The following CPQ variants were observed in gnomAD, a reference collection of about 807,000 sequenced individuals.
CPQ encodes the protein Ser-Met dipeptidase.
A neutral mutation model predicts 45.7 loss-of-function variants in CPQ; 37 were observed. The ratio of observed to expected loss-of-function variants is 0.81; its 90% CI spans 0.62 to 1.07. CPQ has a LOEUF of 1.07. CPQ is among the 50% of genes least tolerant of loss of function. The pLI is 0.00. For missense variants in CPQ, 537 were observed against 572.9 expected, an observed-to-expected ratio of 0.94 and a Z score of 0.64; for synonymous variants, 186 against 205.8, an observed-to-expected ratio of 0.90 and a Z score of 0.82.
At position 96,784,967 on chromosome 8, in the gene CPQ, T is replaced by G. The variant is rs534614802; in HGVS notation, c.70T>G (p.Cys24Gly). 1.2e-6 allele frequency: 2 copies of G among 1,613,788 alleles called. No homozygotes were observed. The highest frequency in any genetic ancestry group is 2.7e-5 in the African/African-American group (2 of 75,026). The change falls in exon 2 of 8, where the codon TGC becomes GGC. Residue 24 changes from cysteine (C) to glycine (G), a missense_variant. Coordinates refer to ENST00000220763, the MANE Select transcript of CPQ (RefSeq NM_016134.4). Reference sequence around the variant, plus strand: ...ATCCCTGTGCTCTGGGAAAGCTATATGCAAGAATGGCATCTCTAAGAGGAC... The same window carrying G: ...ATCCCTGTGCTCTGGGAAAGCTATAGGCAAGAATGGCATCTCTAAGAGGAC... ...LLSLCSGKAI[C>G]KNGISKRTFE...
In CPQ at chr8:96,805,855, C is replaced by T. The variant is rs184210983; in HGVS notation, c.433+20525C>T. 2.0e-5 allele frequency among the ~76,000 whole-genome samples: 3 copies of T among 151,922 alleles called. No homozygotes were observed. The East Asian group carries it at 5.8e-4, about 29-fold the overall frequency. ...GGTTTATTTCTGTAGTGATGATAGC[C>T]TCTTACATTCCCTCCACCATAGAAC... On this transcript the variant is annotated intron_variant, in intron 2 of 7. Transcript: ENST00000220763.
intron 1 of CPQ, among the ~76,000 whole-genome samples, chr8:96,711,722 C>T (rs1809610378): frequency 6.6e-6 from 1 of 152,098 alleles, no homozygotes. Flanking sequence ...CCACTGGGTC[C>T]CTCCCATGAC....
intron 7 of CPQ, among the ~76,000 whole-genome samples, chr8:97,115,722 C>G (rs895902135): frequency 6.6e-6 from 1 of 152,184 alleles, no homozygotes; most frequent in Admixed American, 6.5e-5. Flanking sequence ...ATACTATCAC[C>G]ACCTGCTTCA....
At chr8:97,126,398 G>A (rs1485808177) in intron 7 of CPQ, among the ~76,000 whole-genome samples, 3 of 152,118 alleles carry the variant, frequency 2.0e-5, no homozygotes, top group African/African-American at 7.2e-5. Context: ...GGTCTTTTTT[G>A]TTATCAGGCA....
intron 7 of CPQ, among the ~76,000 whole-genome samples, chr8:97,087,399 C>T (rs1433930909): frequency 6.7e-6 from 1 of 148,190 alleles, no homozygotes; most frequent in Non-Finnish European, 1.5e-5. Context: ...CTCCCAGGTG[C>T]CGACTTGGGG....
intron 1 of CPQ, among the ~76,000 whole-genome samples, chr8:96,730,615 A>G (rs1809899064): frequency 6.6e-6 from 1 of 151,876 alleles, no homozygotes; most frequent in East Asian, 1.9e-4. Flanking sequence ...ATGATCTTAA[A>G]GGTATTTTGG....
intron 1 of CPQ, among the ~76,000 whole-genome samples, chr8:96,700,294 T>A (rs1165040787): frequency 6.6e-6 from 1 of 151,730 alleles, no homozygotes; most frequent in East Asian, 1.9e-4. Context: ...ACAGAGAAAA[T>A]CCCCCAGCTC....
chr8:96,741,432 G>T (rs183359690), intron 1 of CPQ, among the ~76,000 whole-genome samples: 28 of 152,248 alleles, frequency 1.8e-4, no homozygotes, highest in Non-Finnish European at 3.2e-4. Flanking sequence ...CTAGCTCCCG[G>T]ATTCGTTAAT....
chr8:96,820,524 TACTTTTTTAGCTCC>T (rs1328720885), intron 2 of CPQ, among the ~76,000 whole-genome samples: 1 of 152,026 alleles, frequency 6.6e-6, no homozygotes, highest in Non-Finnish European at 1.5e-5. Context: ...TTATGAGATC[TACTTTTTTAGCTCC>T]CACATGTGAG....
At chr8:96,955,600 A>G (rs1032967747) in intron 4 of CPQ, among the ~76,000 whole-genome samples, 2 of 152,194 alleles carry the variant, frequency 1.3e-5, no homozygotes, top group Non-Finnish European at 2.9e-5. Context: ...AGCTGGAGGC[A>G]TCACGCTACC....
At chr8:97,029,098 C>A (rs1338334918) in intron 5 of CPQ, among the ~76,000 whole-genome samples, 1 of 152,210 alleles carries the variant, frequency 6.6e-6, no homozygotes, top group African/African-American at 2.4e-5. Context: ...TCTCACTGAT[C>A]TTGGCCATCC....
At chr8:96,717,469 A>C (rs1240330680) in intron 1 of CPQ, among the ~76,000 whole-genome samples, 2 of 152,066 alleles carry the variant, frequency 1.3e-5, no homozygotes, top group Non-Finnish European at 2.9e-5. Flanking sequence ...GCCTTATAGT[A>C]TAGTCTGAAG....
chr8:96,741,690 G>A (rs1371886548), intron 1 of CPQ, among the ~76,000 whole-genome samples: 1 of 152,038 alleles, frequency 6.6e-6, no homozygotes, highest in Non-Finnish European at 1.5e-5. Context: ...GTTCTCGTTG[G>A]TTTCAAACAA....
intron 4 of CPQ, among the ~76,000 whole-genome samples, chr8:96,888,621 A>G (rs965370349): frequency 6.6e-6 from 1 of 152,176 alleles, no homozygotes; most frequent in Non-Finnish European, 1.5e-5. Context: ...GAACTTTCCT[A>G]TTCAAAAAGT....
At chr8:96,964,173 T>TACACACACACACACACACACAC (rs71267285) in intron 4 of CPQ, among the ~76,000 whole-genome samples, 14 of 133,404 alleles carry the variant, frequency 1.0e-4, no homozygotes, top group African/African-American at 4.0e-4. Flanking sequence ...GGTTAAAGTA[T>TACACACACACACACACACACAC]ACACACACAC....
chr8:97,106,666 G>C (rs1474077543), intron 7 of CPQ, among the ~76,000 whole-genome samples: 2 of 152,230 alleles, frequency 1.3e-5, no homozygotes. Context: ...ATGATGCTAA[G>C]AAAGAGGTGA....
At position 96,859,508 on chromosome 8, in the gene CPQ, T is replaced by C. The variant is rs369901273; in HGVS notation, c.642-20290T>C. Among the ~76,000 whole-genome samples, 86 of 152,286 alleles carry C rather than the reference T, an allele frequency of 5.6e-4. 1 individual carries two copies. The East Asian group carries it at 0.011, about 19-fold the overall frequency. ...CTACCCTAGATTCCATTCTCTAGAA[T>C]GAGCCAGCTTAGGGTGGCAAGTGTC... On this transcript the variant is annotated intron_variant, in intron 3 of 7. Coordinates refer to ENST00000220763, the MANE Select transcript of CPQ (RefSeq NM_016134.4).
intron 6 of CPQ, among the ~76,000 whole-genome samples, chr8:97,060,003 G>A (rs1454835938): frequency 6.6e-6 from 1 of 152,102 alleles, no homozygotes; most frequent in Admixed American, 6.6e-5. Context: ...TCAAAGACAT[G>A]TTGAGAAACA....
chr8:97,139,436 A>G (rs1484819680), intron 7 of CPQ, among the ~76,000 whole-genome samples: 2 of 152,168 alleles, frequency 1.3e-5, no homozygotes, highest in East Asian at 3.9e-4. Flanking sequence ...TACACAGAGC[A>G]CTGAAAGCAC....
Sources: allele counts gnomAD v4.1 joint callset (sites outside exome capture counted in the v4.1 genomes callset), GRCh38; gene constraint gnomAD v4.1.1; transcripts MANE v1.5; gene names NCBI Gene and HGNC (gene_info 2026-07-23, HGNC 2026-07-21).